Variants in OXCT1 observed in about 807,000 individuals in gnomAD.
OXCT1 encodes 3-oxoacid CoA-transferase 1.
Under a neutral mutation model 69.6 loss-of-function variants are expected in OXCT1, and 27 were observed. The ratio of observed to expected loss-of-function variants is 0.39; its 90% CI spans 0.29 to 0.54. The LOEUF is 0.54. OXCT1 is among the 20% of genes least tolerant of loss of function. The probability of loss-of-function intolerance (pLI) is 0.72; values close to 1 mark genes in which losing one functional copy is unlikely to be tolerated. For synonymous variants in OXCT1, 202 were observed against 217.8 expected (o/e 0.93, Z 0.64); for missense variants, 437 against 650.2 (o/e 0.67, Z 3.57).
intron 11 of OXCT1, among the ~76,000 whole-genome samples, chr5:41,795,226 T>C (rs1746123127): frequency 6.6e-6 from 1 of 152,186 alleles, no homozygotes; most frequent in African/African-American, 2.4e-5. Context: ...TGCTGATGAT[T>C]TGAGAGAAGG....
chr5:41,817,191 T>C (rs1220160362), intron 7 of OXCT1, among the ~76,000 whole-genome samples: 2 of 152,150 alleles, frequency 1.3e-5, no homozygotes, highest in African/African-American at 4.8e-5. Flanking sequence ...TTTTAGTCCA[T>C]ATGATTCTAA....
chr5:41,803,223 C>A (rs1746507827), intron 9 of OXCT1, 60 bp from the exon 10 acceptor site: 2 of 1,083,520 alleles, frequency 1.8e-6, no homozygotes, highest in African/African-American at 3.1e-5. Context: ...TACCATAAAT[C>A]TTCTACATAT....
intron 1 of OXCT1, among the ~76,000 whole-genome samples, chr5:41,869,551 G>A (rs1301315613): frequency 6.6e-6 from 1 of 152,310 alleles, no homozygotes; most frequent in East Asian, 1.9e-4. Flanking sequence ...ATTTCAAAGG[G>A]CTCTGAAAAC....
intron 15 of OXCT1, among the ~76,000 whole-genome samples, chr5:41,740,366 A>G (rs969625584): frequency 7.9e-5 from 12 of 152,218 alleles, no homozygotes; most frequent in African/African-American, 2.9e-4. Flanking sequence ...GTCCTGTAAA[A>G]CATATAGTCT....
chr5:41,761,974 T>G (rs1192900401), intron 14 of OXCT1, 137 bp downstream of exon 14: 1 of 726,350 alleles, frequency 1.4e-6, no homozygotes, highest in Admixed American at 1.9e-5. Flanking sequence ...GTCATCTTTC[T>G]CTCTCAAATG....
chr5:41,854,636 G>A (rs540415738), intron 3 of OXCT1, among the ~76,000 whole-genome samples: 9 of 151,858 alleles, frequency 5.9e-5, no homozygotes, highest in South Asian at 4.2e-4. Context: ...TTTTAATGGC[G>A]AAATATCTTT....
At chr5:41,852,389 C>A (rs905731185) in intron 4 of OXCT1, among the ~76,000 whole-genome samples, 1 of 152,110 alleles carries the variant, frequency 6.6e-6, no homozygotes, top group African/African-American at 2.4e-5. Flanking sequence ...TTTTAAAAAT[C>A]TACTAAATTA....
At chr5:41,837,693 C>T (rs951311442) in intron 7 of OXCT1, among the ~76,000 whole-genome samples, 2 of 150,968 alleles carry the variant, frequency 1.3e-5, no homozygotes, top group African/African-American at 2.4e-5. Context: ...TGGACTACTT[C>T]TGGAGATTCA....
chr5:41,803,456 G>T (rs964769989), intron 9 of OXCT1, among the ~76,000 whole-genome samples: 5 of 151,946 alleles, frequency 3.3e-5, no homozygotes, highest in African/African-American at 1.2e-4. Context: ...AATGTGCTCT[G>T]CAAATTTGGG....
rs1020718336 is a variant in OXCT1, at chr5:41,835,399, A to G, written c.732+5052T>C. 1.3e-4 allele frequency among the ~76,000 whole-genome samples: 20 copies of G among 152,262 alleles called. 1 individual carries two copies. Among genetic ancestry groups the G allele is most frequent in the Admixed American group, 1.3e-3 (20 of 15,286 alleles). On this transcript the variant is annotated intron_variant, in intron 7 of 16. Coordinates refer to ENST00000196371, the MANE Select transcript of OXCT1 (RefSeq NM_000436.4). Reference sequence around the variant, plus strand: ...CACCAGTATAGAACACAGAAGATACAGCTCCCTGAAGCCTGGCTCTTATAA... The same window carrying G: ...CACCAGTATAGAACACAGAAGATACGGCTCCCTGAAGCCTGGCTCTTATAA...
intron 16 of OXCT1, among the ~76,000 whole-genome samples, chr5:41,736,601 A>G (rs1260057767): frequency 2.6e-5 from 4 of 152,084 alleles, no homozygotes; most frequent in Admixed American, 2.6e-4. Context: ...TGATGCTGTC[A>G]TATTTAGTCT....
At chr5:41,852,695 A>G (rs950728456) in intron 4 of OXCT1, among the ~76,000 whole-genome samples, 4 of 152,176 alleles carry the variant, frequency 2.6e-5, no homozygotes, top group Non-Finnish European at 4.4e-5. Context: ...GCACTTACTC[A>G]GATATAGTCA....
At position 41,836,196 on chromosome 5, in the gene OXCT1, G is replaced by C. The variant is rs538171778; in HGVS notation, c.732+4255C>G. On this transcript the variant is annotated intron_variant, in intron 7 of 16. Coordinates refer to ENST00000196371, the MANE Select transcript of OXCT1 (RefSeq NM_000436.4). Reference sequence around the variant, plus strand: ...ACTTGAACTTGTAAAGTTTATCAGGGAAGACTTCACCCTCACTCAAAGAGA... The same window carrying C: ...ACTTGAACTTGTAAAGTTTATCAGGCAAGACTTCACCCTCACTCAAAGAGA... Among the ~76,000 whole-genome samples, 5 of 152,256 alleles carry C rather than the reference G, an allele frequency of 3.3e-5. No individual in the cohort carries two copies. The South Asian group carries it at 6.2e-4, about 19-fold the overall frequency.
chr5:41,862,178 T>C (rs1168569341), intron 2 of OXCT1, among the ~76,000 whole-genome samples: 1 of 152,154 alleles, frequency 6.6e-6, no homozygotes, highest in Non-Finnish European at 1.5e-5. Context: ...ACCACTGCAC[T>C]CCAGCCTGGG....
At chr5:41,853,255 T>C (rs1749268284) in intron 4 of OXCT1, among the ~76,000 whole-genome samples, 164 bp downstream of exon 4, 1 of 152,162 alleles carries the variant, frequency 6.6e-6, no homozygotes, top group South Asian at 2.1e-4. Flanking sequence ...GAAGAAAATA[T>C]TAATCCTCCA....
At chr5:41,862,165 C>T (rs958306877) in intron 2 of OXCT1, among the ~76,000 whole-genome samples, 4 of 152,122 alleles carry the variant, frequency 2.6e-5, no homozygotes, top group Admixed American at 6.5e-5. Flanking sequence ...AAACTGAGAT[C>T]GCACCACTGC....
chr5:41,810,898 T>C (rs1440499067), intron 7 of OXCT1, among the ~76,000 whole-genome samples: 1 of 151,874 alleles, frequency 6.6e-6, no homozygotes, highest in Non-Finnish European at 1.5e-5. Flanking sequence ...CTGTGTACGA[T>C]ACAAAGTAAG....
intron 7 of OXCT1, among the ~76,000 whole-genome samples, chr5:41,834,405 A>G (rs1177263029): frequency 6.6e-6 from 1 of 151,778 alleles, no homozygotes; most frequent in Non-Finnish European, 1.5e-5. Flanking sequence ...GTTGTCTACA[A>G]GAGACATGGT....
At position 41,739,870 on chromosome 5, in the gene OXCT1, C is replaced by CAA. The variant is rs770217745; in HGVS notation, c.1420-381_1420-380dup. The CAA allele has an allele frequency of 7.4e-3, 591 of 80,400 alleles. 4 individuals carry two copies. Among genetic ancestry groups the CAA allele is most frequent in the African/African-American group, 0.023 (516 of 22,310 alleles). The allele number at this position is 80,400 out of a possible 1,614,324, so 5.0% of individuals were successfully genotyped here. A position where few individuals can be genotyped will look rare whatever the true frequency, so the allele number is the denominator to read the frequency against. On this transcript the variant is annotated intron_variant, in intron 15 of 16. Transcript: ENST00000196371. ...TGGACGACAGAGCCAGACTCTGTCT[C>CAA]AAAAAAAAAAAAAAAAGGAAACACA...
Sources: allele counts gnomAD v4.1 joint callset (sites outside exome capture counted in the v4.1 genomes callset), GRCh38; gene constraint gnomAD v4.1.1; transcripts MANE v1.5; gene names NCBI Gene and HGNC (gene_info 2026-07-23, HGNC 2026-07-21).